AFF3: variants seen among roughly 807,000 people sequenced by gnomAD.
AFF3 encodes the protein ALF transcription elongation factor 3, also known as AF4/FMR2 family member 3.
A neutral mutation model predicts 129.7 loss-of-function variants in AFF3; 32 were observed. The ratio of observed to expected loss-of-function variants is 0.25; its 90% CI spans 0.19 to 0.33. AFF3 has a LOEUF of 0.33. Among genes scored for constraint, AFF3 ranks in the 10% least tolerant of loss-of-function variants. The probability of loss-of-function intolerance (pLI) is 1.00; values close to 1 mark genes in which losing one functional copy is unlikely to be tolerated. For missense variants in AFF3, 1,373 were observed against 1,592.0 expected (o/e 0.86, Z 2.34); for synonymous variants, 644 against 635.4 (o/e 1.01, Z -0.20).
At chr2:100,125,128 G>T (rs1692131449) in intron 2 of AFF3, among the ~76,000 whole-genome samples, 1 of 152,120 alleles carries the variant, frequency 6.6e-6, no homozygotes, top group Non-Finnish European at 1.5e-5. Context: ...TTTAAAGTGG[G>T]AAATAAAGAG....
chr2:99,919,686 T>A (rs1695724691), intron 7 of AFF3, among the ~76,000 whole-genome samples: 1 of 151,690 alleles, frequency 6.6e-6, no homozygotes, highest in Non-Finnish European at 1.5e-5. Context: ...GTTCCCCAAA[T>A]TAAACCAAAA....
intron 7 of AFF3, among the ~76,000 whole-genome samples, chr2:99,934,920 T>A (rs1341099041): frequency 6.6e-6 from 1 of 152,184 alleles, no homozygotes; most frequent in African/African-American, 2.4e-5. Context: ...CTGAGACCAA[T>A]GTGACTGGGA....
At chr2:99,744,191 C>A in intron 9 of AFF3, 51 bp from the exon 10 acceptor site, 1 of 1,521,882 alleles carries the variant, frequency 6.6e-7, no homozygotes, top group Non-Finnish European at 9.1e-7. Flanking sequence ...CTTTCAAAAT[C>A]CAAGTTAAAC....
chr2:99,553,776 C>T (rs1035957546), intron 24 of AFF3, among the ~76,000 whole-genome samples: 2 of 151,570 alleles, frequency 1.3e-5, no homozygotes, highest in East Asian at 1.9e-4. Context: ...TAGCTGGGAG[C>T]GGTGGCACAT....
At chr2:99,814,200 T>C (rs926282639) in intron 8 of AFF3, among the ~76,000 whole-genome samples, 104 of 152,220 alleles carry the variant, frequency 6.8e-4, no homozygotes, top group African/African-American at 2.4e-3. Flanking sequence ...TTCTCACCTC[T>C]AGCCTAAGTA....
At chr2:99,976,311 G>A (rs1043874030) in intron 7 of AFF3, among the ~76,000 whole-genome samples, 18 of 152,146 alleles carry the variant, frequency 1.2e-4, no homozygotes, top group East Asian at 1.9e-4. Flanking sequence ...TATGTAAAAT[G>A]TGTCACTTTC....
chr2:100,018,738 G>C (rs1683344637), intron 4 of AFF3, among the ~76,000 whole-genome samples: 2 of 151,820 alleles, frequency 1.3e-5, no homozygotes, highest in African/African-American at 4.8e-5. Context: ...CCTCACAAAG[G>C]CAGTAACTTA....
intron 12 of AFF3, among the ~76,000 whole-genome samples, chr2:99,662,095 G>A (rs982310415): frequency 2.6e-5 from 4 of 151,788 alleles, no homozygotes; most frequent in African/African-American, 9.7e-5. Context: ...GGCCAAGATC[G>A]CGCCACTGAA....
intron 21 of AFF3, 33 bp from the exon 22 acceptor site, chr2:99,559,001 G>A (rs1559475662): frequency 1.3e-6 from 2 of 1,597,906 alleles, no homozygotes; most frequent in Non-Finnish European, 8.6e-7. Flanking sequence ...GCCCAGAAGC[G>A]GCTGAGTGCG....
At chr2:99,734,894 G>C (rs1168327105) in intron 10 of AFF3, among the ~76,000 whole-genome samples, 1 of 152,028 alleles carries the variant, frequency 6.6e-6, no homozygotes, top group African/African-American at 2.4e-5. Flanking sequence ...AATGAGTTGA[G>C]AACTGCTGGC....
chr2:100,068,795 G>A (rs1573327673), intron 4 of AFF3, among the ~76,000 whole-genome samples: 1 of 152,086 alleles, frequency 6.6e-6, no homozygotes, highest in African/African-American at 2.4e-5. Flanking sequence ...CAAGATAAAC[G>A]CTAGGACTCT....
At chr2:100,114,445 G>C (rs1691648962) in intron 2 of AFF3, among the ~76,000 whole-genome samples, 1 of 152,114 alleles carries the variant, frequency 6.6e-6, no homozygotes, top group Non-Finnish European at 1.5e-5. Flanking sequence ...GCAGTGGTGT[G>C]ATCTCAGCTC....
intron 4 of AFF3, among the ~76,000 whole-genome samples, chr2:100,041,589 G>A (rs1034756658): frequency 5.3e-5 from 8 of 152,050 alleles, no homozygotes; most frequent in Non-Finnish European, 7.4e-5. Flanking sequence ...TAATGCTGAC[G>A]TGTCATATTT....
chr2:99,680,301 G>A (rs1432281038), intron 11 of AFF3, among the ~76,000 whole-genome samples: 1 of 152,206 alleles, frequency 6.6e-6, no homozygotes, highest in African/African-American at 2.4e-5. Context: ...TTTAAATCCT[G>A]TCTTTGTCTG....
At position 99,594,143 on chromosome 2, in the gene AFF3, G is replaced by T; in HGVS notation, c.1518C>A (p.Asp506Glu). The T allele has an allele frequency of 2.5e-6, 4 of 1,614,180 alleles. No homozygotes were observed. Among genetic ancestry groups the T allele is most frequent in the Non-Finnish European group, 3.4e-6 (4 of 1,180,034 alleles). The change falls in exon 15 of 25, where the codon GAC becomes GAA. Residue 506 changes from aspartate (D) to glutamate (E), a missense_variant. Physicochemically the swap from Asp to Glu is conservative, Grantham distance 45. This residue lies in a region of AFF3 where 413 missense variants were observed against 424.4 expected (regional missense o/e 0.97). Coordinates refer to ENST00000672756, the MANE Select transcript of AFF3 (RefSeq NM_001386135.1). ...GGCAAACGTCGGGGACTTTCCCACA[G>T]TCCTGGACGTCCTCTTTCACCGGGT... is the stretch of plus-strand genomic sequence containing the variant. ...YYNPVKEDVQ[D>E]CGKVPDVCQP...
chr2:100,077,352 T>C (rs916309510), intron 4 of AFF3, among the ~76,000 whole-genome samples: 4 of 152,150 alleles, frequency 2.6e-5, no homozygotes, highest in Admixed American at 1.3e-4. Context: ...GTTAGACAAG[T>C]GAGGGCCAGA....
At chr2:99,875,325 C>T (rs1483141932) in intron 7 of AFF3, among the ~76,000 whole-genome samples, 1 of 152,192 alleles carries the variant, frequency 6.6e-6, no homozygotes, top group Non-Finnish European at 1.5e-5. Flanking sequence ...CTGTTATCAC[C>T]ACCTCAGAGG....
chr2:99,642,822 C>T (rs1029278477), intron 13 of AFF3, among the ~76,000 whole-genome samples: 9 of 152,012 alleles, frequency 5.9e-5, no homozygotes, highest in Non-Finnish European at 1.2e-4. Context: ...CACCTGTTCG[C>T]GGCTCAGTTT....
chr2:99,956,414 C>G (rs1007856904), intron 7 of AFF3, among the ~76,000 whole-genome samples: 46 of 151,982 alleles, frequency 3.0e-4, no homozygotes, highest in African/African-American at 1.1e-3. Flanking sequence ...TAATGTAAAC[C>G]CTGATATCAA....
Sources: gnomAD v4.1 joint callset for allele counts (sites outside exome capture counted in the v4.1 genomes callset) on GRCh38, gnomAD v4.1.1 for gene constraint, gnomAD v4.1.1 regional missense constraint, MANE v1.5 for transcripts, NCBI Gene and HGNC (gene_info 2026-07-23, HGNC 2026-07-21) for gene names.